The following FMN1 variants were observed in gnomAD, a reference collection of about 807,000 sequenced individuals.
FMN1 encodes formin 1.
FMN1 carries 110 observed loss-of-function variants against 132.4 expected under a neutral mutation model. The observed-to-expected ratio is 0.83, with a 90% CI of 0.71 to 0.97. The LOEUF is 0.97. FMN1 is among the 50% of genes least tolerant of loss of function. FMN1 has a pLI of 0.00. For synonymous variants in FMN1, 722 were observed against 651.7 expected (o/e 1.11, Z -1.64); for missense variants, 1,792 against 1,705.3 (o/e 1.05, Z -0.90).
intron 9 of FMN1, among the ~76,000 whole-genome samples, chr15:32,957,437 T>C (rs1044445751): frequency 1.7e-4 from 26 of 151,168 alleles, no homozygotes; most frequent in Admixed American, 4.0e-4. Flanking sequence ...AGTGTAAATA[T>C]GACATATTGA....
chr15:32,801,990 A>G (rs1055215293), intron 18 of FMN1, among the ~76,000 whole-genome samples: 9 of 152,212 alleles, frequency 5.9e-5, no homozygotes, highest in African/African-American at 1.9e-4. Flanking sequence ...ATCTTTTGCA[A>G]TTTGGACAAG....
At chr15:32,865,842 A>T (rs987383569) in intron 16 of FMN1, among the ~76,000 whole-genome samples, 2 of 105,844 alleles carry the variant, frequency 1.9e-5, no homozygotes, top group African/African-American at 1.3e-4. Flanking sequence ...ACCTCAAAAA[A>T]AAAAAAAAAA....
intron 5 of FMN1, among the ~76,000 whole-genome samples, chr15:33,086,230 G>A (rs990912804): frequency 4.1e-5 from 6 of 146,050 alleles, no homozygotes; most frequent in African/African-American, 5.1e-5. Flanking sequence ...CAGCCTGAGC[G>A]ACAGAGCAAG....
At chr15:33,064,676 G>A (rs2037636242) in intron 6 of FMN1, 1 of 232,060 alleles carries the variant, frequency 4.3e-6, no homozygotes, top group East Asian at 9.8e-5. Flanking sequence ...GCTTCCTGAG[G>A]GATTTGCAAT....
chr15:32,899,014 T>C, intron 14 of FMN1, 121 bp from the exon 15 acceptor site: 1 of 677,636 alleles, frequency 1.5e-6, no homozygotes, highest in South Asian at 1.9e-5. Flanking sequence ...TTCTCTTCGA[T>C]GCTGGCAAGG....
At chr15:32,922,351 G>A (rs1447382293) in intron 10 of FMN1, among the ~76,000 whole-genome samples, 4 of 152,156 alleles carry the variant, frequency 2.6e-5, no homozygotes, top group Admixed American at 6.5e-5. Context: ...TAAATTCAAC[G>A]AACACTTGAA....
chr15:32,987,199 A>C (rs555390154), intron 7 of FMN1, among the ~76,000 whole-genome samples: 68 of 152,304 alleles, frequency 4.5e-4, no homozygotes, highest in Middle Eastern at 3.4e-3. Flanking sequence ...CTAACCATAA[A>C]GGTTAATGAT....
At chr15:33,039,832 G>T (rs183816581) in intron 6 of FMN1, among the ~76,000 whole-genome samples, 3 of 152,234 alleles carry the variant, frequency 2.0e-5, no homozygotes, top group South Asian at 2.1e-4. Flanking sequence ...AGAAGTCATT[G>T]GTTGCCTCTA....
At chr15:32,998,340 A>T (rs2033899673) in intron 7 of FMN1, among the ~76,000 whole-genome samples, 1 of 152,222 alleles carries the variant, frequency 6.6e-6, no homozygotes, top group African/African-American at 2.4e-5. Flanking sequence ...GTTGCCTAGC[A>T]CTGATCTAGG....
chr15:33,103,973 A>G (rs999795355), intron 4 of FMN1, among the ~76,000 whole-genome samples: 1 of 152,100 alleles, frequency 6.6e-6, no homozygotes, highest in African/African-American at 2.4e-5. Flanking sequence ...GCAAGTCAGA[A>G]GAAAAATCAA....
At chr15:33,108,130 G>A (rs1274572088) in intron 4 of FMN1, among the ~76,000 whole-genome samples, 2 of 152,036 alleles carry the variant, frequency 1.3e-5, no homozygotes, top group African/African-American at 4.8e-5. Flanking sequence ...GGATGGTGGT[G>A]GGGTGTGTGT....
At chr15:32,840,198 C>T (rs2058715917) in intron 17 of FMN1, among the ~76,000 whole-genome samples, 1 of 152,114 alleles carries the variant, frequency 6.6e-6, no homozygotes, top group South Asian at 2.1e-4. Context: ...TTGTTTTAGC[C>T]CTTAGTGAGC....
intron 6 of FMN1, among the ~76,000 whole-genome samples, chr15:33,017,545 G>A (rs1306108848): frequency 6.6e-6 from 1 of 152,066 alleles, no homozygotes; most frequent in South Asian, 2.1e-4. Flanking sequence ...ATAACTTACA[G>A]AAAGGAGCCT....
chr15:33,153,312 GATGC>G lies in FMN1; in HGVS notation c.1599_1602del (p.Gln533HisfsTer153). The G allele has an allele frequency of 6.5e-7, 1 of 1,536,346 alleles. No individual in the cohort carries two copies. Among genetic ancestry groups the G allele is most frequent in the Non-Finnish European group, 8.7e-7 (1 of 1,146,942 alleles). On this transcript the variant is annotated frameshift_variant, in exon 4 of 21. Coordinates refer to ENST00000616417, the MANE Select transcript of FMN1 (RefSeq NM_001277313.2). LOFTEE classifies it high-confidence loss of function. Reference sequence around the variant, plus strand: ...AATGCAGGGAGCCGGAGGATCCTGTGATGCTGCTGAGGGCTGGGGAGCCTTGGAG... The same window carrying G: ...AATGCAGGGAGCCGGAGGATCCTGTGTGCTGAGGGCTGGGGAGCCTTGGAG...
intron 19 of FMN1, among the ~76,000 whole-genome samples, chr15:32,791,162 G>C (rs973601385): frequency 6.6e-6 from 1 of 151,742 alleles, no homozygotes; most frequent in Non-Finnish European, 1.5e-5. Flanking sequence ...TATAGGAAAT[G>C]AGGCTAAAGA....
At chr15:33,117,317 G>A (rs1420715879) in intron 4 of FMN1, among the ~76,000 whole-genome samples, 1 of 152,142 alleles carries the variant, frequency 6.6e-6, no homozygotes, top group African/African-American at 2.4e-5. Flanking sequence ...AGACAATGCA[G>A]AAATTCCACA....
intron 16 of FMN1, among the ~76,000 whole-genome samples, chr15:32,873,799 T>G (rs1477733209): frequency 6.6e-6 from 1 of 152,108 alleles, no homozygotes; most frequent in Non-Finnish European, 1.5e-5. Context: ...GACTAGGTGA[T>G]AAAACTTAAA....
At chr15:33,138,247 G>A (rs996720342) in intron 4 of FMN1, among the ~76,000 whole-genome samples, 1 of 152,176 alleles carries the variant, frequency 6.6e-6, no homozygotes, top group African/African-American at 2.4e-5. Flanking sequence ...TTGACTGCCT[G>A]TACTTGAGGG....
intron 3 of FMN1, among the ~76,000 whole-genome samples, chr15:33,174,381 G>T (rs540363854): frequency 1.3e-5 from 2 of 151,882 alleles, no homozygotes; most frequent in Non-Finnish European, 2.9e-5. Flanking sequence ...TACTAGATCC[G>T]ATTGATTTTA....
Sources: allele counts gnomAD v4.1 joint callset (sites outside exome capture counted in the v4.1 genomes callset), GRCh38; gene constraint gnomAD v4.1.1; transcripts MANE v1.5; gene names NCBI Gene and HGNC (gene_info 2026-07-23, HGNC 2026-07-21).